Variants in PDE7B observed in about 807,000 individuals in gnomAD.
PDE7B encodes the protein 3',5'-cyclic-AMP phosphodiesterase 7B.
Under a neutral mutation model 56.2 loss-of-function variants are expected in PDE7B, and 29 were observed. The observed-to-expected ratio is 0.52, with a 90% CI of 0.38 to 0.70. PDE7B has a LOEUF of 0.70. Among genes scored for constraint, PDE7B ranks in the 30% least tolerant of loss-of-function variants. PDE7B has a pLI of 0.00. For missense variants in PDE7B, 490 were observed against 565.0 expected (o/e 0.87, Z 1.35); for synonymous variants, 197 against 196.9 (o/e 1.00, Z 0.00).
intron 3 of PDE7B, among the ~76,000 whole-genome samples, chr6:136,110,361 TC>T (rs1777723129): frequency 6.6e-6 from 1 of 152,132 alleles, no homozygotes; most frequent in Non-Finnish European, 1.5e-5. Flanking sequence ...TGAGTGGATT[TC>T]CAGGTCCTAG....
At chr6:135,882,342 T>A (rs897789656) in intron 1 of PDE7B, among the ~76,000 whole-genome samples, 1 of 152,158 alleles carries the variant, frequency 6.6e-6, no homozygotes, top group African/African-American at 2.4e-5. Context: ...AATAAAAAAG[T>A]CTTCAACTAA....
intron 2 of PDE7B, among the ~76,000 whole-genome samples, chr6:136,018,827 C>T (rs1022861003): frequency 1.3e-5 from 2 of 151,670 alleles, no homozygotes; most frequent in African/African-American, 2.4e-5. Context: ...TGTCAAAAGC[C>T]AAATCCTTAT....
At chr6:135,959,602 T>C (rs1774861883) in intron 2 of PDE7B, among the ~76,000 whole-genome samples, 1 of 152,152 alleles carries the variant, frequency 6.6e-6, no homozygotes, top group African/African-American at 2.4e-5. Flanking sequence ...TTATTTTGTC[T>C]GCTATTTCAC....
At chr6:136,169,837 A>G (rs1029889144) in intron 8 of PDE7B, among the ~76,000 whole-genome samples, 1 of 152,208 alleles carries the variant, frequency 6.6e-6, no homozygotes, top group Admixed American at 6.5e-5. Flanking sequence ...AAAAGGAAAT[A>G]ATAGACCAGT....
intron 8 of PDE7B, among the ~76,000 whole-genome samples, chr6:136,171,996 C>T (rs1425616827): frequency 8.6e-5 from 13 of 151,954 alleles, no homozygotes; most frequent in Admixed American, 7.9e-4. Flanking sequence ...CATAGTATTC[C>T]ATGGTGTATA....
At chr6:136,008,213 T>A (rs1224290476) in intron 2 of PDE7B, among the ~76,000 whole-genome samples, 1 of 152,136 alleles carries the variant, frequency 6.6e-6, no homozygotes, top group Non-Finnish European at 1.5e-5. Flanking sequence ...TGTGCCACAT[T>A]TTCTTAATCC....
intron 2 of PDE7B, among the ~76,000 whole-genome samples, chr6:136,098,692 G>A (rs1368857523): frequency 6.6e-6 from 1 of 152,002 alleles, no homozygotes; most frequent in Non-Finnish European, 1.5e-5. Flanking sequence ...TCACTTATGT[G>A]ACTGTCTTCT....
chr6:136,183,381 C>T (rs532367934), intron 11 of PDE7B, among the ~76,000 whole-genome samples: 2 of 151,890 alleles, frequency 1.3e-5, no homozygotes, highest in African/African-American at 2.4e-5. Context: ...ATCATGAGGT[C>T]AGGAGATAGA....
chr6:136,138,627 C>T (rs922972474), intron 3 of PDE7B, among the ~76,000 whole-genome samples: 3 of 151,952 alleles, frequency 2.0e-5, no homozygotes, highest in Non-Finnish European at 4.4e-5. Context: ...CTATTGTTTT[C>T]GCAAATGGCT....
intron 5 of PDE7B, among the ~76,000 whole-genome samples, chr6:136,149,767 T>A (rs1778480861): frequency 6.6e-6 from 1 of 152,246 alleles, no homozygotes; most frequent in Non-Finnish European, 1.5e-5. Flanking sequence ...AAACAAATGC[T>A]GATGAGCTTT....
intron 2 of PDE7B, among the ~76,000 whole-genome samples, chr6:135,953,392 A>C (rs1016590348): frequency 1.3e-5 from 2 of 152,142 alleles, no homozygotes; most frequent in Non-Finnish European, 2.9e-5. Context: ...GGGCATTGAA[A>C]GACCTGGTAC....
At chr6:136,077,162 G>C (rs541543762) in intron 2 of PDE7B, among the ~76,000 whole-genome samples, 34 of 152,096 alleles carry the variant, frequency 2.2e-4, no homozygotes, top group Non-Finnish European at 4.7e-4. Context: ...GAGAAGAAAA[G>C]AGAAGGACCA....
At chr6:136,103,107 C>T (rs377009738) in intron 2 of PDE7B, among the ~76,000 whole-genome samples, 37 of 152,278 alleles carry the variant, frequency 2.4e-4, no homozygotes, top group African/African-American at 4.8e-4. Context: ...GCTCTCTCAC[C>T]GACAGCCCAG....
At chr6:135,953,054 TTTGA>T (rs1659790860) in intron 2 of PDE7B, among the ~76,000 whole-genome samples, 1 of 152,176 alleles carries the variant, frequency 6.6e-6, no homozygotes, top group South Asian at 2.1e-4. Context: ...TGAATTCTGG[TTTGA>T]TTTTTTTTAA....
At chr6:136,175,348 G>C (rs754334435) in intron 9 of PDE7B, among the ~76,000 whole-genome samples, 2 of 152,092 alleles carry the variant, frequency 1.3e-5, no homozygotes, top group African/African-American at 2.4e-5. Flanking sequence ...AGTAGGGCAG[G>C]TTAATTGTAG....
intron 1 of PDE7B, among the ~76,000 whole-genome samples, chr6:135,880,378 G>A (rs1031294584): frequency 5.3e-5 from 8 of 152,128 alleles, no homozygotes; most frequent in African/African-American, 1.4e-4. Context: ...ATGAAATACC[G>A]ACTACAAGCC....
chr6:135,866,809 G>A (rs1014702208), intron 1 of PDE7B, among the ~76,000 whole-genome samples: 1 of 152,130 alleles, frequency 6.6e-6, no homozygotes, highest in Non-Finnish European at 1.5e-5. Context: ...TTATTTCCAG[G>A]ACACTAGCCA....
At chr6:135,978,223 C>G (rs920214167) in intron 2 of PDE7B, among the ~76,000 whole-genome samples, 1 of 152,030 alleles carries the variant, frequency 6.6e-6, no homozygotes, top group South Asian at 2.1e-4. Flanking sequence ...ATACTGTAGG[C>G]AATTGTAATA....
intron 4 of PDE7B, 104 bp downstream of exon 4, chr6:136,147,606 T>A: frequency 2.3e-6 from 2 of 856,900 alleles, no homozygotes; most frequent in Non-Finnish European, 1.9e-6. Flanking sequence ...TGAGGAGCTC[T>A]GTGACCCTGA....
Sources: gnomAD v4.1 joint callset for allele counts (sites outside exome capture counted in the v4.1 genomes callset) on GRCh38, gnomAD v4.1.1 for gene constraint, MANE v1.5 for transcripts, NCBI Gene and HGNC (gene_info 2026-07-23, HGNC 2026-07-21) for gene names.